The following WDR5 variants were observed in gnomAD, a reference collection of about 807,000 sequenced individuals.
The protein encoded by WDR5 is WD repeat domain 5, also known as WD repeat-containing protein 5.
For missense variants in WDR5, 187 were observed against 416.9 expected, an observed-to-expected ratio of 0.45 and a Z score of 4.80; for synonymous variants, 144 against 161.6, an observed-to-expected ratio of 0.89 and a Z score of 0.83.
chr9:134,152,940 A>C (rs1016951880), intron 9 of WDR5, among the ~76,000 whole-genome samples: 1 of 152,168 alleles, frequency 6.6e-6, no homozygotes, highest in Non-Finnish European at 1.5e-5. Flanking sequence ...TCCTCTTGTA[A>C]GGACACCACC....
rs2132594447 is a variant in WDR5 at position 134,157,659 on chromosome 9, T to G, written c.905-234T>G. Among the ~76,000 whole-genome samples, 2 of 152,194 alleles carry G rather than the reference T, an allele frequency of 1.3e-5. No homozygotes were observed. Among genetic ancestry groups the G allele is most frequent in the African/African-American group, 4.8e-5 (2 of 41,522 alleles). On this transcript the variant is annotated intron_variant, in intron 13 of 13. Transcript: ENST00000358625. This position sits in a 1 kb window ranked among gnomAD's most constrained non-coding sequence, Gnocchi z 5.0. Reference sequence around the variant, plus strand: ...GGCAGGGCTGGCACTCCCTGTGGCCTCCTGCCCCTGTCCCCCAACCGGCTG... The same window carrying G: ...GGCAGGGCTGGCACTCCCTGTGGCCGCCTGCCCCTGTCCCCCAACCGGCTG...
At chr9:134,138,021 C>T (rs1831667512) in intron 1 of WDR5, among the ~76,000 whole-genome samples, 1 of 152,152 alleles carries the variant, frequency 6.6e-6, no homozygotes, top group Non-Finnish European at 1.5e-5. Flanking sequence ...AGATTACAGG[C>T]GTCAGCCACT....
At chr9:134,155,405 G>A in intron 11 of WDR5, 32 bp downstream of exon 11, 2 of 1,587,008 alleles carry the variant, frequency 1.3e-6, no homozygotes, top group Non-Finnish European at 1.7e-6. Flanking sequence ...CCCCCATGGT[G>A]CACCATCCCT....
chr9:134,137,844 G>GGC (rs1196331104), intron 1 of WDR5, among the ~76,000 whole-genome samples: 3 of 152,200 alleles, frequency 2.0e-5, no homozygotes, highest in African/African-American at 7.2e-5. Flanking sequence ...CTGGTTTCAA[G>GGC]TGATTCTCCT....
intron 4 of WDR5, 131 bp from the exon 5 acceptor site, chr9:134,141,818 G>T: frequency 1.0e-6 from 1 of 965,792 alleles, no homozygotes. Flanking sequence ...CTCCTGGGCC[G>T]TGTGTCTTTT....
Position 134,159,321 on chromosome 9 carries a change from G to T in WDR5, c.*1328G>T, listed in dbSNP as rs1832893557. On this transcript the variant is annotated 3_prime_UTR_variant, in exon 14 of 14. Transcript: ENST00000358625. The surrounding 1 kb of genome is among the most constrained non-coding windows in gnomAD (Gnocchi z 4.3). ...TCCCACGGGGCAGGGCTTTGGGGCT[G>T]TGATGCTCTGGGAAGCCAGCTTGGG... 2 of 152,644 alleles carry T rather than the reference G, an allele frequency of 1.3e-5. No individual in the cohort carries two copies. Among genetic ancestry groups the T allele is most frequent in the Non-Finnish European group, 1.5e-5 (1 of 68,420 alleles). 9.5% of individuals were successfully genotyped at this position (152,644 alleles called of 1,614,324 possible).
Position 134,146,765 on chromosome 9 carries a change from A to G in WDR5, c.529-1523A>G, listed in dbSNP as rs544869675. Among the ~76,000 whole-genome samples the G allele has an allele frequency of 1.5e-4, 23 of 152,358 alleles. 1 individual carries two copies. The highest frequency in any genetic ancestry group is 5.3e-4 in the African/African-American group (22 of 41,588). On this transcript the variant is annotated intron_variant, in intron 7 of 13. Coordinates refer to ENST00000358625, the MANE Select transcript of WDR5 (RefSeq NM_017588.3). ...GTCTTGTTACTGTTACATCCATCGT[A>G]ATAGTCTCAATAAGAGACTGTTTTG...
intron 2 of WDR5, 135 bp downstream of exon 2, chr9:134,140,093 A>G (rs1831802136): frequency 1.9e-6 from 2 of 1,034,756 alleles, no homozygotes; most frequent in Non-Finnish European, 2.8e-6. Flanking sequence ...TACTGACCGC[A>G]TATCTGGCGA....
chr9:134,153,194 C>T (rs1008168279), intron 9 of WDR5, among the ~76,000 whole-genome samples: 58 of 152,310 alleles, frequency 3.8e-4, no homozygotes, highest in African/African-American at 1.4e-3. Context: ...TGTGAGCACA[C>T]GTAACCCTCA....
Position 134,156,285 on chromosome 9 carries a change from C to T in WDR5, c.817-221C>T, listed in dbSNP as rs560037936. On this transcript the variant is annotated intron_variant, in intron 12 of 13. Transcript: ENST00000358625. ...CAGGCAGGTGCCTGGCTTCTGTGAG[C>T]GAGGCCGGTGCTGGGATAGAGCAGG... Among the ~76,000 whole-genome samples, 65 of 152,332 alleles carry T rather than the reference C, an allele frequency of 4.3e-4. 1 individual carries two copies. The South Asian group carries it at 0.011, about 25-fold the overall frequency.
rs1445439257 is a variant in WDR5 at position 134,146,231 on chromosome 9, T to G, written c.529-2057T>G. On this transcript the variant is annotated intron_variant, in intron 7 of 13. Coordinates refer to ENST00000358625, the MANE Select transcript of WDR5 (RefSeq NM_017588.3). Reference sequence around the variant, plus strand: ...ATCCGCCCACCTCGGCCTCCTGAAGTGCTGGGTCTTTTTTTTTTTTTGAGA... The same window carrying G: ...ATCCGCCCACCTCGGCCTCCTGAAGGGCTGGGTCTTTTTTTTTTTTTGAGA... Among the ~76,000 whole-genome samples the G allele has an allele frequency of 2.8e-4, 42 of 151,178 alleles. 1 individual carries two copies. The highest frequency in any genetic ancestry group is 2.8e-3 in the Admixed American group (42 of 15,152).
At chr9:134,148,922 G>T (rs1037408003) in intron 8 of WDR5, among the ~76,000 whole-genome samples, 1 of 152,186 alleles carries the variant, frequency 6.6e-6, no homozygotes, top group African/African-American at 2.4e-5. Flanking sequence ...GGTTAACTCA[G>T]CGAAATGTCT....
chr9:134,137,985 G>A (rs147069653), intron 1 of WDR5, among the ~76,000 whole-genome samples: 3,031 of 152,212 alleles, frequency 0.02, 45 homozygotes, highest in Middle Eastern at 0.031. Flanking sequence ...CTCGTGATCT[G>A]CCCACCTCAG....
At chr9:134,141,819 T>C in intron 4 of WDR5, 130 bp from the exon 5 acceptor site, 1 of 973,952 alleles carries the variant, frequency 1.0e-6, no homozygotes, top group Non-Finnish European at 1.5e-6. Flanking sequence ...TCCTGGGCCG[T>C]GTGTCTTTTG....
intron 7 of WDR5, among the ~76,000 whole-genome samples, chr9:134,146,482 C>T (rs1832208433): frequency 1.3e-5 from 2 of 152,236 alleles, no homozygotes; most frequent in South Asian, 4.1e-4. Context: ...GTGATCCGCC[C>T]ACCTTGATTT....
Position 134,140,887 on chromosome 9 carries a change from T to G in WDR5, c.190+76T>G, listed in dbSNP as rs996928954. On this transcript the variant is annotated intron_variant, in intron 3 of 13. Coordinates refer to ENST00000358625, the MANE Select transcript of WDR5 (RefSeq NM_017588.3). ...GACAAAAAGCTGGCGAGGGGATGGC[T>G]TGCTTCCTCACCTACCGCTGGGGAG... The G allele has an allele frequency of 3.5e-6, 5 of 1,415,418 alleles. No individual in the cohort carries two copies. In the African/African-American group the frequency reaches 5.7e-5, roughly 16 times the overall value. 87.7% of individuals were successfully genotyped at this position (1,415,418 alleles called of 1,614,324 possible). A position where few individuals can be genotyped will look rare whatever the true frequency, so the allele number is the denominator to read the frequency against.
chr9:134,148,473 T>A, intron 8 of WDR5, 130 bp downstream of exon 8: 2 of 740,382 alleles, frequency 2.7e-6, no homozygotes, highest in Non-Finnish European at 4.4e-6. Flanking sequence ...GCTTCTCTTC[T>A]GGCCACGCTG....
chr9:134,141,467 T>C (rs28687115), intron 3 of WDR5, 43 bp from the exon 4 acceptor site: 37,452 of 1,599,182 alleles, frequency 0.023, 519 homozygotes, highest in Middle Eastern at 0.04. Context: ...GACTAGACAA[T>C]TGTGTCCTGC....
chr9:134,157,714 C>T lies in WDR5; in HGVS notation c.905-179C>T, dbSNP rs28491791. 0.05 allele frequency among the ~76,000 whole-genome samples: 7,651 copies of T among 152,182 alleles called. 441 individuals carry two copies. The highest frequency in any genetic ancestry group is 0.14 in the African/African-American group (5,823 of 41,494). Reference sequence around the variant, plus strand: ...GCCCTGGTACCGGCTGCTGTCCCCTCGCTCCCCTCCCCTGGGCTCCCTGTG... The same window carrying T: ...GCCCTGGTACCGGCTGCTGTCCCCTTGCTCCCCTCCCCTGGGCTCCCTGTG... On this transcript the variant is annotated intron_variant, in intron 13 of 13. Coordinates refer to ENST00000358625, the MANE Select transcript of WDR5 (RefSeq NM_017588.3). The surrounding 1 kb of genome is among the most constrained non-coding windows in gnomAD (Gnocchi z 5.0).
Sources: gnomAD v4.1 joint callset for allele counts (sites outside exome capture counted in the v4.1 genomes callset) on GRCh38, gnomAD v4.1.1 for gene constraint, Gnocchi (gnomAD v3.1) non-coding constraint, MANE v1.5 for transcripts, NCBI Gene and HGNC (gene_info 2026-07-23, HGNC 2026-07-21) for gene names.